TOX3: variants seen among roughly 807,000 people sequenced by gnomAD.
TOX3 encodes the protein TOX high mobility group box family member 3.
Under a neutral mutation model 64.3 loss-of-function variants are expected in TOX3, and 22 were observed. The observed-to-expected ratio is 0.34, with a 90% CI of 0.24 to 0.49. The LOEUF is 0.49. TOX3 is among the 20% of genes least tolerant of loss of function. TOX3 has a pLI of 0.99. For missense variants in TOX3, 661 were observed against 714.4 expected (o/e 0.93, Z 0.85); for synonymous variants, 291 against 273.6 (o/e 1.06, Z -0.63).
chr16:52,451,393 C>T (rs926824472), intron 3 of TOX3, among the ~76,000 whole-genome samples: 10 of 152,100 alleles, frequency 6.6e-5, no homozygotes, highest in African/African-American at 2.4e-4. Flanking sequence ...TCAAATGCAG[C>T]TTTCTCTGTT....
intron 1 of TOX3, among the ~76,000 whole-genome samples, chr16:52,511,806 A>G (rs1962319539): frequency 6.6e-6 from 1 of 152,198 alleles, no homozygotes; most frequent in South Asian, 2.1e-4. Context: ...CCGTTAGCCT[A>G]TATTCTAATG....
At chr16:52,523,246 G>A (rs1490032935) in intron 1 of TOX3, among the ~76,000 whole-genome samples, 1 of 152,190 alleles carries the variant, frequency 6.6e-6, no homozygotes, top group Admixed American at 6.5e-5. Context: ...CAGGACCTGG[G>A]CCTTGAGGTG....
At chr16:52,522,037 C>A (rs1962624325) in intron 1 of TOX3, among the ~76,000 whole-genome samples, 1 of 152,160 alleles carries the variant, frequency 6.6e-6, no homozygotes, top group African/African-American at 2.4e-5. Context: ...ATAGTACTTA[C>A]CTTATAGAGT....
intron 4 of TOX3, among the ~76,000 whole-genome samples, chr16:52,449,042 C>T (rs1960254941): frequency 6.6e-6 from 1 of 152,194 alleles, no homozygotes; most frequent in Non-Finnish European, 1.5e-5. Context: ...ATTTTCACTC[C>T]TAAAATGCCT....
rs11454608 is a variant in TOX3 at position 52,480,929 on chromosome 16, G to GTT, written c.88-12357_88-12356dup. Among the ~76,000 whole-genome samples, 598 of 148,266 alleles carry GTT rather than the reference G, an allele frequency of 4.0e-3. 14 individuals carry two copies. Among genetic ancestry groups the GTT allele is most frequent in the East Asian group, 0.04 (200 of 5,052 alleles). On this transcript the variant is annotated intron_variant, in intron 1 of 6. Transcript: ENST00000219746. ...GGACCTTTGATAATGTCTGAAGAGAGTTTTTTTTTTTTATTGTCATGACTT... is the reference window on the plus strand; with the variant it reads ...GGACCTTTGATAATGTCTGAAGAGAGTTTTTTTTTTTTTTATTGTCATGACTT...
chr16:52,442,682 G>T (rs959412815), intron 6 of TOX3, among the ~76,000 whole-genome samples: 1 of 152,098 alleles, frequency 6.6e-6, no homozygotes, highest in Admixed American at 6.5e-5. Flanking sequence ...TCACAGTTTG[G>T]GTTCAGGCTG....
In TOX3 at chr16:52,437,950, G is replaced by A. The variant is rs904033131; in HGVS notation, c.*1275C>T. 6.6e-6 allele frequency: 1 copy of A among 152,360 alleles called. No individual in the cohort carries two copies. Among genetic ancestry groups the A allele is most frequent in the Admixed American group, 6.6e-5 (1 of 15,266 alleles). The allele number at this position is 152,360 out of a possible 1,614,324, so 9.4% of individuals were successfully genotyped here. A position where few individuals can be genotyped will look rare whatever the true frequency, so the allele number is the denominator to read the frequency against. On this transcript the variant is annotated 3_prime_UTR_variant, in exon 7 of 7. Transcript: ENST00000219746. ...TGGAAGATGATGTTTGGGCTAAAAC[G>A]AAACTTGGTATGTGGCATATTTCCC...
chr16:52,465,307 C>T (rs1364895042), intron 2 of TOX3, among the ~76,000 whole-genome samples: 5 of 151,524 alleles, frequency 3.3e-5, no homozygotes, highest in Non-Finnish European at 5.9e-5. Flanking sequence ...AGCCACCGTG[C>T]CCAGCCAATA....
At chr16:52,451,216 T>C (rs1321121813) in intron 3 of TOX3, among the ~76,000 whole-genome samples, 1 of 152,206 alleles carries the variant, frequency 6.6e-6, no homozygotes, top group Non-Finnish European at 1.5e-5. Context: ...CTGGAAGTCA[T>C]TCAATGTCTT....
intron 1 of TOX3, among the ~76,000 whole-genome samples, chr16:52,485,702 G>C (rs1961512709): frequency 6.6e-6 from 1 of 152,112 alleles, no homozygotes; most frequent in Admixed American, 6.6e-5. Flanking sequence ...ATAAGAGTGA[G>C]CACTGGCAGA....
At chr16:52,482,590 T>G (rs1054560560) in intron 1 of TOX3, among the ~76,000 whole-genome samples, 4 of 152,168 alleles carry the variant, frequency 2.6e-5, no homozygotes, top group African/African-American at 7.2e-5. Flanking sequence ...ATCTAAATAT[T>G]TATTAACCCT....
intron 4 of TOX3, 71 bp from the exon 5 acceptor site, chr16:52,446,292 C>G: frequency 6.8e-7 from 1 of 1,474,006 alleles, no homozygotes; most frequent in Non-Finnish European, 9.2e-7. Flanking sequence ...TAACTCAGAT[C>G]CATAATTGTT....
Position 52,473,221 on chromosome 16 carries a change from C to A in TOX3, c.88-4647G>T, listed in dbSNP as rs371624817. On this transcript the variant is annotated intron_variant, in intron 1 of 6. Transcript: ENST00000219746. The stretch of plus-strand genomic sequence containing the variant: ...CAAAAACCCATCTGTAATCACAAGA[C>A]GAATACTTCAGCTTGATGCGTCCAC... 3.3e-5 allele frequency among the ~76,000 whole-genome samples: 5 copies of A among 152,172 alleles called. No homozygotes were observed. The South Asian group carries it at 6.2e-4, about 19-fold the overall frequency.
At chr16:52,441,149 G>A (rs1054359051) in intron 6 of TOX3, among the ~76,000 whole-genome samples, 1 of 152,052 alleles carries the variant, frequency 6.6e-6, no homozygotes. Flanking sequence ...TGGTCCATAG[G>A]AAGCAATAAA....
At chr16:52,526,905 T>A (rs1424150961) in intron 1 of TOX3, among the ~76,000 whole-genome samples, 1 of 152,216 alleles carries the variant, frequency 6.6e-6, no homozygotes, top group Non-Finnish European at 1.5e-5. Context: ...CAAAGAACAT[T>A]AAATGTTAGC....
chr16:52,499,862 G>C (rs1163456652), intron 1 of TOX3, among the ~76,000 whole-genome samples: 1 of 152,208 alleles, frequency 6.6e-6, no homozygotes. Flanking sequence ...CTTTATAAAA[G>C]CTCTTTCCAA....
Position 52,444,499 on chromosome 16 carries a change from G to GCACACACACACA in TOX3, c.907-155_907-144dup, listed in dbSNP as rs200173557. On this transcript the variant is annotated intron_variant, in intron 5 of 6. Transcript: ENST00000219746. ...CTTTGATTTTTAAATGTTAGCGCATGCACACACACACACACACACACACAC... is the reference window on the plus strand; with the variant it reads ...CTTTGATTTTTAAATGTTAGCGCATGCACACACACACACACACACACACACACACACACACAC... The GCACACACACACA allele has an allele frequency of 3.2e-3, 1,204 of 380,794 alleles. 17 individuals carry two copies. Among genetic ancestry groups the GCACACACACACA allele is most frequent in the African/African-American group, 0.022 (981 of 44,826 alleles). The allele number at this position is 380,794 out of a possible 1,614,324, so 23.6% of individuals were successfully genotyped here.
At chr16:52,531,507 A>G (rs1012750062) in intron 1 of TOX3, among the ~76,000 whole-genome samples, 1 of 152,240 alleles carries the variant, frequency 6.6e-6, no homozygotes, top group Non-Finnish European at 1.5e-5. Flanking sequence ...ATATTAGATT[A>G]ACTTAAGTGG....
At chr16:52,452,707 A>C (rs1960389501) in intron 3 of TOX3, among the ~76,000 whole-genome samples, 1 of 152,222 alleles carries the variant, frequency 6.6e-6, no homozygotes, top group South Asian at 2.1e-4. Flanking sequence ...ATGGAAAAAA[A>C]AAGTAAACAA....
Sources: gnomAD v4.1 joint callset for allele counts (sites outside exome capture counted in the v4.1 genomes callset) on GRCh38, gnomAD v4.1.1 for gene constraint, MANE v1.5 for transcripts, NCBI Gene and HGNC (gene_info 2026-07-23, HGNC 2026-07-21) for gene names.